The following PARP6 variants were observed in gnomAD, a reference collection of about 807,000 sequenced individuals.
PARP6 encodes the protein poly(ADP-ribose) polymerase family member 6.
A neutral mutation model predicts 92.0 loss-of-function variants in PARP6; 27 were observed. The ratio of observed to expected loss-of-function variants is 0.29; its 90% CI spans 0.22 to 0.40. PARP6 has a LOEUF of 0.40. Ranked by LOEUF, PARP6 falls within the 10% of genes least tolerant of loss-of-function variation. PARP6 has a pLI of 1.00. For missense variants in PARP6, 501 were observed against 784.5 expected, an observed-to-expected ratio of 0.64 and a Z score of 4.32; for synonymous variants, 272 against 281.2, an observed-to-expected ratio of 0.97 and a Z score of 0.33.
At chr15:72,270,656 T>C (rs1449810908) in intron 2 of PARP6, among the ~76,000 whole-genome samples, 3 of 152,174 alleles carry the variant, frequency 2.0e-5, no homozygotes, top group Admixed American at 1.3e-4. Context: ...GATATCCACA[T>C]GGCTTGTTCC....
intron 10 of PARP6, 62 bp from the exon 11 acceptor site, chr15:72,259,723 T>C: frequency 1.4e-6 from 2 of 1,433,416 alleles, no homozygotes; most frequent in Non-Finnish European, 2.0e-6. Context: ...TAGACAGACC[T>C]GACTCTTGCC....
chr15:72,258,209 T>C, intron 11 of PARP6, 77 bp from the exon 12 acceptor site: 1 of 1,077,212 alleles, frequency 9.3e-7, no homozygotes, highest in Non-Finnish European at 1.4e-6. Flanking sequence ...AGCTTTTTTT[T>C]CCAACTACCC....
At chr15:72,254,215 C>G (rs1382785943) in intron 15 of PARP6, 1 of 565,678 alleles carries the variant, frequency 1.8e-6, no homozygotes, top group Admixed American at 3.1e-5. Context: ...ATATGAACAA[C>G]TTGTAAAGGA....
At chr15:72,266,495 A>AAAAT (rs16966719) in intron 4 of PARP6, among the ~76,000 whole-genome samples, 30,737 of 152,032 alleles carry the variant, frequency 0.2, 3,302 homozygotes, top group East Asian at 0.41. Flanking sequence ...TAAAAGTCAG[A>AAAAT]AAATAATTAT....
chr15:72,265,542 G>A (rs2086470467), intron 5 of PARP6, 69 bp from the exon 6 acceptor site: 1 of 1,216,282 alleles, frequency 8.2e-7, no homozygotes, highest in African/African-American at 1.5e-5. Context: ...AACTGAGTTG[G>A]AAAGAGAACT....
chr15:72,242,295 G>A lies in PARP6; in HGVS notation c.1642-75C>T, dbSNP rs182715166. ...CTTTCCCTAGAGAGGCTGGTTAGCTGATGATTGGGAGTGGGGATCAGAGAT... is the reference window on the plus strand; with the variant it reads ...CTTTCCCTAGAGAGGCTGGTTAGCTAATGATTGGGAGTGGGGATCAGAGAT... On this transcript the variant is annotated intron_variant, in intron 21 of 23. Coordinates refer to ENST00000569795, the MANE Select transcript of PARP6 (RefSeq NM_001323532.2). This position sits in a 1 kb window ranked among gnomAD's most constrained non-coding sequence, Gnocchi z 4.3. The A allele has an allele frequency of 9.3e-6, 11 of 1,184,080 alleles. No individual in the cohort carries two copies. In the Middle Eastern group the frequency reaches 8.0e-4, roughly 86 times the overall value. 73.3% of individuals were successfully genotyped at this position (1,184,080 alleles called of 1,614,324 possible).
intron 20 of PARP6, among the ~76,000 whole-genome samples, chr15:72,246,594 CTTT>C (rs1179142212): frequency 2.6e-5 from 4 of 152,108 alleles, no homozygotes; most frequent in African/African-American, 9.7e-5. Flanking sequence ...AGTTATTATT[CTTT>C]TGTTTTTTCT....
chr15:72,247,663 T>C (rs932172466), intron 20 of PARP6, among the ~76,000 whole-genome samples: 5 of 152,256 alleles, frequency 3.3e-5, no homozygotes, highest in African/African-American at 1.2e-4. Flanking sequence ...AATTTCTATT[T>C]CTTTTATAGT....
intron 20 of PARP6, among the ~76,000 whole-genome samples, chr15:72,246,825 C>T (rs1360010148): frequency 6.6e-6 from 1 of 151,312 alleles, no homozygotes; most frequent in Non-Finnish European, 1.5e-5. Flanking sequence ...CGCAGTCTCA[C>T]CTCACTGCAA....
Position 72,241,600 on chromosome 15 carries a change from T to C in PARP6, c.1791-43A>G, listed in dbSNP as rs1273561162. The C allele has an allele frequency of 7.2e-7, 1 of 1,397,286 alleles. No homozygotes were observed. Among genetic ancestry groups the C allele is most frequent in the Admixed American group, 1.7e-5 (1 of 59,660 alleles). 86.6% of individuals were successfully genotyped at this position (1,397,286 alleles called of 1,614,324 possible). On this transcript the variant is annotated intron_variant, in intron 23 of 23. Transcript: ENST00000569795. The surrounding 1 kb of genome is among the most constrained non-coding windows in gnomAD (Gnocchi z 4.1). ...AGTGTGAGCATAAGAGGGAGAACAA[T>C]ACCAGAATAACATCAATCAGTGGAA...
rs749283159 is a variant in PARP6 at position 72,251,269 on chromosome 15, G to GA, written c.1260-15dup. The GA allele has an allele frequency of 3.3e-6, 5 of 1,534,594 alleles. No individual in the cohort carries two copies. Among genetic ancestry groups the GA allele is most frequent in the East Asian group, 2.2e-5 (1 of 44,516 alleles). The stretch of plus-strand genomic sequence containing the variant: ...CTAGAGATGATCCTGGGAAGAAACA[G>GA]AAAAAAATAAAAAGGATAGAATAAT... On this transcript the variant is annotated splice_polypyrimidine_tract_variant and intron_variant, in intron 16 of 23. Transcript: ENST00000569795.
In PARP6 at chr15:72,257,685, T is replaced by C. The variant is rs1264170242; in HGVS notation, c.907-245A>G. Among the ~76,000 whole-genome samples the C allele has an allele frequency of 2.6e-5, 4 of 152,340 alleles. No homozygotes were observed. In the South Asian group the frequency reaches 8.3e-4, roughly 32 times the overall value. On this transcript the variant is annotated intron_variant, in intron 12 of 23. Coordinates refer to ENST00000569795, the MANE Select transcript of PARP6 (RefSeq NM_001323532.2). ...TGAAGTCAGATGTTCTCTCACCTGA[T>C]TTTTAACAATGCTAATATCTCTTCT...
chr15:72,250,223 T>C, intron 18 of PARP6, 131 bp from the exon 19 acceptor site: 2 of 671,656 alleles, frequency 3.0e-6, no homozygotes, highest in Non-Finnish European at 5.6e-6. Context: ...GTGATGGACA[T>C]GCACATGGAT....
Position 72,250,244 on chromosome 15 carries a change from G to A in PARP6, c.1419-152C>T, listed in dbSNP as rs7182382. The A allele has an allele frequency of 3.6e-3, 2,301 of 636,746 alleles. 32 individuals carry two copies. The highest frequency in any genetic ancestry group is 0.036 in the African/African-American group (2,020 of 55,982). The allele number at this position is 636,746 out of a possible 1,614,324, so 39.4% of individuals were successfully genotyped here. A position where few individuals can be genotyped will look rare whatever the true frequency, so the allele number is the denominator to read the frequency against. On this transcript the variant is annotated intron_variant, in intron 18 of 23. Transcript: ENST00000569795. ...GACATGCACATGGATACAGTCACAG[G>A]CATGCAAGATGTGTGTGTGTGGTTA...
chr15:72,270,693 G>T (rs2141141017), intron 2 of PARP6, among the ~76,000 whole-genome samples: 1 of 152,198 alleles, frequency 6.6e-6, no homozygotes, highest in East Asian at 1.9e-4. Context: ...TCTGCTCAAA[G>T]GCCACCTTGA....
rs1378856181 is a variant in PARP6 at position 72,242,444 on chromosome 15, C to T, written c.1641+176G>A. 6.6e-6 allele frequency among the ~76,000 whole-genome samples: 1 copy of T among 152,226 alleles called. No homozygotes were observed. The highest frequency in any genetic ancestry group is 1.5e-5 in the Non-Finnish European group (1 of 68,042). On this transcript the variant is annotated intron_variant, in intron 21 of 23. Transcript: ENST00000569795. The surrounding 1 kb of genome is among the most constrained non-coding windows in gnomAD (Gnocchi z 4.3). ...TAAACTCAGCCTCTGCTTTTATACT[C>T]ATGACTTCAGCTACATATGACTCCA...
At chr15:72,264,933 C>T (rs2086380744) in intron 7 of PARP6, 148 bp downstream of exon 7, 2 of 624,070 alleles carry the variant, frequency 3.2e-6, no homozygotes, top group Non-Finnish European at 5.8e-6. Flanking sequence ...ATGAAGATAC[C>T]AATTACAGGG....
In PARP6 at chr15:72,242,153, C is replaced by G. The variant is rs774452482; in HGVS notation, c.1705+4G>C. On this transcript the variant is annotated splice_donor_region_variant and intron_variant, in intron 22 of 23. Coordinates refer to ENST00000569795, the MANE Select transcript of PARP6 (RefSeq NM_001323532.2). This position sits in a 1 kb window ranked among gnomAD's most constrained non-coding sequence, Gnocchi z 4.3. The stretch of plus-strand genomic sequence containing the variant: ...GAAAAACAGGACATGGGCAAGCTAC[C>G]TACCTTCACAAAGTGCTATACAGTT... 20 of 1,612,854 alleles carry G rather than the reference C, an allele frequency of 1.2e-5. No homozygotes were observed. The highest frequency in any genetic ancestry group is 1.6e-4 in the Middle Eastern group (1 of 6,082).
chr15:72,258,853 A>G (rs527994619), intron 11 of PARP6, among the ~76,000 whole-genome samples: 24 of 152,322 alleles, frequency 1.6e-4, no homozygotes, highest in African/African-American at 5.3e-4. Context: ...GACTTTATTC[A>G]TTTAATGCAG....
Sources: gnomAD v4.1 joint callset for allele counts (sites outside exome capture counted in the v4.1 genomes callset) on GRCh38, gnomAD v4.1.1 for gene constraint, Gnocchi (gnomAD v3.1) non-coding constraint, MANE v1.5 for transcripts, NCBI Gene and HGNC (gene_info 2026-07-23, HGNC 2026-07-21) for gene names.